Variants in ATXN1 observed in about 807,000 individuals in gnomAD.
ATXN1 encodes ataxin-1.
In ATXN1, 8 loss-of-function variants were observed where a neutral mutation model predicts 56.4. The observed-to-expected ratio is 0.14, with a 90% CI of 0.08 to 0.26. The LOEUF is 0.26. ATXN1 is among the 10% of genes least tolerant of loss of function. The probability of loss-of-function intolerance (pLI) is 1.00; values close to 1 mark genes in which losing one functional copy is unlikely to be tolerated. For synonymous variants in ATXN1, 514 were observed against 494.6 expected, an observed-to-expected ratio of 1.04 and a Z score of -0.52; for missense variants, 987 against 1,106.5, an observed-to-expected ratio of 0.89 and a Z score of 1.53.
intron 6 of ATXN1, among the ~76,000 whole-genome samples, chr6:16,464,563 G>A (rs751059913): frequency 1.3e-5 from 2 of 152,070 alleles, no homozygotes; most frequent in Non-Finnish European, 2.9e-5. Context: ...ATGAAGGTCC[G>A]CAGCTCCATT....
intron 6 of ATXN1, among the ~76,000 whole-genome samples, chr6:16,344,243 G>T (rs1439422441): frequency 2.0e-5 from 3 of 152,160 alleles, no homozygotes; most frequent in Non-Finnish European, 2.9e-5. Context: ...ATCCTCCAAG[G>T]CTCCAATTAG....
In ATXN1 at chr6:16,326,742, G is replaced by T; in HGVS notation, c.1569C>A (p.Val523=). 6.2e-7 allele frequency: 1 copy of T among 1,613,678 alleles called. No homozygotes were observed. The part of the protein sequence containing the change: ...PQFAAVPHTF[V]TTALPKSENF... ...TCTCGCTCTTGGGAAGGGCGGTGGT[G>T]ACGAACGTGTGAGGCACTGCAGCAA... Residue 523 remains valine, a synonymous_variant, in exon 7 of 8, where the codon GTC becomes GTA. Transcript: ENST00000436367. The surrounding 1 kb of genome is among the most constrained non-coding windows in gnomAD (Gnocchi z 6.6).
At chr6:16,672,441 C>A (rs1758558413) in intron 2 of ATXN1, among the ~76,000 whole-genome samples, 1 of 152,154 alleles carries the variant, frequency 6.6e-6, no homozygotes, top group Non-Finnish European at 1.5e-5. Context: ...GTGGTAGGCA[C>A]AACAAGGGAC....
In ATXN1 at chr6:16,304,299, A is replaced by G. The variant is rs1330503596; in HGVS notation, c.*2030T>C. On this transcript the variant is annotated 3_prime_UTR_variant, in exon 8 of 8. Transcript: ENST00000436367. The stretch of plus-strand genomic sequence containing the variant: ...TTAAAAATTTCTCCCTACTTATAAA[A>G]CTTTTTTTTAAAGCACTTTAAAGAT... The G allele has an allele frequency of 6.6e-6, 1 of 152,530 alleles. No homozygotes were observed. The highest frequency in any genetic ancestry group is 1.5e-5 in the Non-Finnish European group (1 of 68,018). The allele number at this position is 152,530 out of a possible 1,614,324, so 9.4% of individuals were successfully genotyped here. A position where few individuals can be genotyped will look rare whatever the true frequency, so the allele number is the denominator to read the frequency against.
intron 3 of ATXN1, among the ~76,000 whole-genome samples, chr6:16,628,680 T>C (rs1374774656): frequency 6.6e-6 from 1 of 152,198 alleles, no homozygotes; most frequent in Non-Finnish European, 1.5e-5. Context: ...TGAGTTCTCA[T>C]CATTTAGCTC....
intron 3 of ATXN1, among the ~76,000 whole-genome samples, chr6:16,625,529 T>C (rs1003778004): frequency 6.6e-6 from 1 of 152,148 alleles, no homozygotes; most frequent in African/African-American, 2.4e-5. Context: ...GCATTTATCA[T>C]GCACAGAGAG....
chr6:16,535,472 A>G (rs929760879), intron 4 of ATXN1, among the ~76,000 whole-genome samples: 7 of 152,200 alleles, frequency 4.6e-5, no homozygotes, highest in African/African-American at 1.7e-4. Context: ...AGAGCTGCCA[A>G]TGGCCAGAAC....
At chr6:16,564,092 G>C (rs1762169659) in intron 4 of ATXN1, among the ~76,000 whole-genome samples, 1 of 152,144 alleles carries the variant, frequency 6.6e-6, no homozygotes, top group African/African-American at 2.4e-5. Flanking sequence ...ATGACCTCCA[G>C]GCTTAGCAGC....
intron 4 of ATXN1, among the ~76,000 whole-genome samples, chr6:16,576,153 T>A (rs1344123964): frequency 6.6e-6 from 1 of 152,060 alleles, no homozygotes; most frequent in Non-Finnish European, 1.5e-5. Flanking sequence ...CAAATCCAAT[T>A]TCATCGTTTT....
At chr6:16,623,330 A>G (rs1456002366) in intron 3 of ATXN1, among the ~76,000 whole-genome samples, 1 of 152,138 alleles carries the variant, frequency 6.6e-6, no homozygotes, top group African/African-American at 2.4e-5. Flanking sequence ...TATCAGCAGT[A>G]CATAAACATG....
At chr6:16,500,841 G>C (rs1426179230) in intron 5 of ATXN1, among the ~76,000 whole-genome samples, 2 of 151,418 alleles carry the variant, frequency 1.3e-5, no homozygotes. Flanking sequence ...TCAGTAGTGA[G>C]TGACAAGACT....
chr6:16,682,161 A>T (rs1758826411), intron 2 of ATXN1, among the ~76,000 whole-genome samples: 1 of 145,762 alleles, frequency 6.9e-6, no homozygotes, highest in Non-Finnish European at 1.5e-5. Flanking sequence ...ATCACCCCCT[A>T]CCCAAGCACT....
Position 16,542,013 on chromosome 6 carries a change from G to T in ATXN1, c.-360-19325C>A, listed in dbSNP as rs12665660. On this transcript the variant is annotated intron_variant, in intron 4 of 7. Transcript: ENST00000436367. ...TCAAGTTGGGAATAAATTGATAGGT[G>T]TATCTATTAAAACCATCTCTTAAGG... Among the ~76,000 whole-genome samples the T allele has an allele frequency of 4.6e-3, 694 of 152,214 alleles. 35 individuals are homozygous for T. The East Asian group carries it at 0.11, about 24-fold the overall frequency.
chr6:16,637,547 T>C (rs1207819595), intron 3 of ATXN1, among the ~76,000 whole-genome samples: 1 of 151,918 alleles, frequency 6.6e-6, no homozygotes, highest in Non-Finnish European at 1.5e-5. Flanking sequence ...AGAAACTAAT[T>C]GAGCACACTA....
rs561493522 is a variant in ATXN1, at chr6:16,760,686, G to A, written c.-730+612C>T. Among the ~76,000 whole-genome samples, 256 of 151,126 alleles carry A rather than the reference G, an allele frequency of 1.7e-3. 1 individual carries two copies. In the East Asian group the frequency reaches 0.024, roughly 14 times the overall value. ...CCTCCGAGGGGAGACCCCCGCCCCAGGGCGCCGAGGCCGGGCGACCACCCG... is the reference window on the plus strand; with the variant it reads ...CCTCCGAGGGGAGACCCCCGCCCCAAGGCGCCGAGGCCGGGCGACCACCCG... On this transcript the variant is annotated intron_variant, in intron 1 of 7. Coordinates refer to ENST00000436367, the MANE Select transcript of ATXN1 (RefSeq NM_001128164.2). This position sits in a 1 kb window ranked among gnomAD's most constrained non-coding sequence, Gnocchi z 5.3.
At chr6:16,584,748 C>T (rs753920176) in intron 4 of ATXN1, among the ~76,000 whole-genome samples, 2 of 151,610 alleles carry the variant, frequency 1.3e-5, no homozygotes, top group African/African-American at 2.4e-5. Flanking sequence ...ATTAAGTAGA[C>T]GCTCTCATAA....
At chr6:16,616,974 GTTA>G (rs1175763125) in intron 3 of ATXN1, among the ~76,000 whole-genome samples, 1 of 151,732 alleles carries the variant, frequency 6.6e-6, no homozygotes, top group Non-Finnish European at 1.5e-5. Context: ...TTGATTATTA[GTTA>G]TTGTTGTTAA....
chr6:16,691,111 T>G (rs1173847209), intron 2 of ATXN1, among the ~76,000 whole-genome samples: 1 of 152,240 alleles, frequency 6.6e-6, no homozygotes, highest in Non-Finnish European at 1.5e-5. Flanking sequence ...TCATGCATTC[T>G]GCAGTGAAAA....
At chr6:16,722,665 G>A (rs139466640) in intron 2 of ATXN1, among the ~76,000 whole-genome samples, 1 of 152,276 alleles carries the variant, frequency 6.6e-6, no homozygotes, top group East Asian at 1.9e-4. Flanking sequence ...GAGAAAATAT[G>A]TCAAATTATA....
Sources: gnomAD v4.1 joint callset for allele counts (sites outside exome capture counted in the v4.1 genomes callset) on GRCh38, gnomAD v4.1.1 for gene constraint, Gnocchi (gnomAD v3.1) non-coding constraint, MANE v1.5 for transcripts, NCBI Gene and HGNC (gene_info 2026-07-23, HGNC 2026-07-21) for gene names.